Variants in RASA3 observed in about 807,000 individuals in gnomAD.
RASA3 encodes ras GTPase-activating protein 3.
In RASA3, 73 loss-of-function variants were observed where a neutral mutation model predicts 110.0. The observed-to-expected ratio is 0.66, with a 90% CI of 0.55 to 0.81. The LOEUF is 0.81. Among genes scored for constraint, RASA3 ranks in the 30% least tolerant of loss-of-function variants. The probability of loss-of-function intolerance (pLI) is 0.00; values close to 1 mark genes in which losing one functional copy is unlikely to be tolerated. For missense variants in RASA3, 976 were observed against 1,113.2 expected (o/e 0.88, Z 1.75); for synonymous variants, 500 against 451.4 (o/e 1.11, Z -1.37).
At chr13:114,094,701 C>G (rs909302815) in intron 1 of RASA3, among the ~76,000 whole-genome samples, 10 of 152,228 alleles carry the variant, frequency 6.6e-5, no homozygotes, top group Non-Finnish European at 1.2e-4. Context: ...TACCTGACAT[C>G]CTTTTTTGGA....
At chr13:114,099,370 G>C (rs1013832353) in intron 1 of RASA3, among the ~76,000 whole-genome samples, 1 of 151,918 alleles carries the variant, frequency 6.6e-6, no homozygotes, top group African/African-American at 2.4e-5. Flanking sequence ...ATCACACAGG[G>C]ACGGTACAGA....
intron 1 of RASA3, among the ~76,000 whole-genome samples, chr13:114,089,579 C>G (rs1171189756): frequency 6.6e-6 from 1 of 152,124 alleles, no homozygotes; most frequent in African/African-American, 2.4e-5. Context: ...GAGGAAAGGG[C>G]AGGCCTGGGC....
intron 1 of RASA3, among the ~76,000 whole-genome samples, chr13:114,125,428 A>C (rs1367653482): frequency 6.6e-6 from 1 of 152,106 alleles, no homozygotes; most frequent in Non-Finnish European, 1.5e-5. Context: ...ACACGGCGAG[A>C]GCGGGGGCAA....
chr13:114,041,885 G>A (rs930113119), intron 3 of RASA3, among the ~76,000 whole-genome samples: 5 of 151,310 alleles, frequency 3.3e-5, no homozygotes, highest in African/African-American at 7.3e-5. Context: ...TTCTCCAGAC[G>A]GAGGAGAACA....
At chr13:114,021,299 G>T (rs1425373872) in intron 9 of RASA3, 105 bp downstream of exon 9, 5 of 985,206 alleles carry the variant, frequency 5.1e-6, no homozygotes, top group African/African-American at 1.6e-5. Flanking sequence ...GCTGGGCACA[G>T]CCGAGGACCA....
At chr13:114,023,317 G>A (rs1360278345) in intron 8 of RASA3, among the ~76,000 whole-genome samples, 5 of 152,036 alleles carry the variant, frequency 3.3e-5, no homozygotes, top group African/African-American at 1.2e-4. Flanking sequence ...CAGGCTCAGG[G>A]AACATCCCAG....
At chr13:114,002,883 G>A (rs773971017) in intron 18 of RASA3, among the ~76,000 whole-genome samples, 35 of 152,190 alleles carry the variant, frequency 2.3e-4, no homozygotes, top group African/African-American at 7.5e-4. Context: ...GCGCAGCCAC[G>A]GCCAACTCAA....
intron 4 of RASA3, among the ~76,000 whole-genome samples, chr13:114,030,926 T>G (rs932898285): frequency 6.7e-6 from 1 of 148,180 alleles, no homozygotes; most frequent in Non-Finnish European, 1.5e-5. Flanking sequence ...TATGCATGCA[T>G]GCGACTATGT....
rs932843678 is a variant in RASA3, at chr13:114,007,714, T to C, written c.1669-108A>G. On this transcript the variant is annotated intron_variant, in intron 17 of 23. Coordinates refer to ENST00000334062, the MANE Select transcript of RASA3 (RefSeq NM_007368.4). ...GCTACTGCCTCCTTTGTAATACCAG[T>C]GGAGACAGAATCTGGGCAAGTGAGT... The C allele has an allele frequency of 7.8e-6, 7 of 892,668 alleles. No individual in the cohort carries two copies. The African/African-American group carries it at 9.8e-5, about 12-fold the overall frequency. The allele number at this position is 892,668 out of a possible 1,614,324, so 55.3% of individuals were successfully genotyped here.
chr13:114,027,772 G>C, intron 6 of RASA3, 75 bp downstream of exon 6: 1 of 1,434,860 alleles, frequency 7.0e-7, no homozygotes, highest in Non-Finnish European at 9.8e-7. Flanking sequence ...AAATGAGGCA[G>C]TGGTCTCGTG....
At chr13:114,023,620 G>A (rs565404567) in intron 8 of RASA3, among the ~76,000 whole-genome samples, 1 of 152,248 alleles carries the variant, frequency 6.6e-6, no homozygotes, top group Non-Finnish European at 1.5e-5. Context: ...AGAACTCTGA[G>A]TCAGCGGGAT....
chr13:114,106,028 C>A (rs545685956), intron 1 of RASA3, among the ~76,000 whole-genome samples: 1 of 152,312 alleles, frequency 6.6e-6, no homozygotes, highest in South Asian at 2.1e-4. Flanking sequence ...AAATCGCAGG[C>A]ACTGAGTGGG....
At chr13:114,081,332 C>T (rs1299860796) in intron 1 of RASA3, among the ~76,000 whole-genome samples, 1 of 152,142 alleles carries the variant, frequency 6.6e-6, no homozygotes, top group Non-Finnish European at 1.5e-5. Context: ...TTGTCCAGGC[C>T]GGGCCTCCCC....
At position 114,096,596 on chromosome 13, in the gene RASA3, G is replaced by A. The variant is rs1422960938; in HGVS notation, c.56-22759C>T. On this transcript the variant is annotated intron_variant, in intron 1 of 23. Transcript: ENST00000334062. The surrounding 1 kb of genome is among the most constrained non-coding windows in gnomAD (Gnocchi z 5.1). ...CCTGGAATAACCCGATTGCTCCTAT[G>A]GGAACAACTGCTCCTTTCCAGCCAA... Among the ~76,000 whole-genome samples the A allele has an allele frequency of 2.0e-5, 3 of 152,088 alleles. No homozygotes were observed. Among genetic ancestry groups the A allele is most frequent in the Admixed American group, 6.5e-5 (1 of 15,268 alleles).
At chr13:114,018,032 T>C (rs2053831936) in intron 11 of RASA3, 72 bp downstream of exon 11, 4 of 1,414,554 alleles carry the variant, frequency 2.8e-6, no homozygotes, top group African/African-American at 2.9e-5. Flanking sequence ...GGACACGTGG[T>C]TCTCGGCGAC....
rs762632127 is a variant in RASA3 at position 114,048,271 on chromosome 13, CGCCACT to C, written c.277+3775_277+3780del. 1.8e-4 allele frequency among the ~76,000 whole-genome samples: 27 copies of C among 150,934 alleles called. No homozygotes were observed. The highest frequency in any genetic ancestry group is 3.3e-4 in the Admixed American group (5 of 15,176). On this transcript the variant is annotated intron_variant, in intron 3 of 23. Transcript: ENST00000334062. This position sits in a 1 kb window ranked among gnomAD's most constrained non-coding sequence, Gnocchi z 4.3. ...TGGAGGTTGCAGTGAGCCGAGATCGCGCCACTGCCCTCCAGCCTGGGCGACAGAAAG... is the reference window on the plus strand; with the variant it reads ...TGGAGGTTGCAGTGAGCCGAGATCGCGCCCTCCAGCCTGGGCGACAGAAAG...
intron 2 of RASA3, among the ~76,000 whole-genome samples, chr13:114,066,907 C>T (rs1466363037): frequency 2.6e-5 from 4 of 151,766 alleles, no homozygotes; most frequent in South Asian, 2.1e-4. Context: ...GATGGGCCCC[C>T]ACCTGGGCTG....
rs190841175 is a variant in RASA3 at position 114,115,966 on chromosome 13, C to T, written c.55+16469G>A. Among the ~76,000 whole-genome samples, 2 of 152,342 alleles carry T rather than the reference C, an allele frequency of 1.3e-5. No homozygotes were observed. The highest frequency in any genetic ancestry group is 4.8e-5 in the African/African-American group (2 of 41,568). ...TGCTCAGAGGCGTCTGCAGTTGAGGCGGGTGACGTTCTGGGGTCCCTGGGA... is the reference window on the plus strand; with the variant it reads ...TGCTCAGAGGCGTCTGCAGTTGAGGTGGGTGACGTTCTGGGGTCCCTGGGA... On this transcript the variant is annotated intron_variant, in intron 1 of 23. Coordinates refer to ENST00000334062, the MANE Select transcript of RASA3 (RefSeq NM_007368.4). The surrounding 1 kb of genome is among the most constrained non-coding windows in gnomAD (Gnocchi z 5.0).
intron 2 of RASA3, among the ~76,000 whole-genome samples, chr13:114,059,512 G>A (rs1215166637): frequency 3.3e-5 from 5 of 152,356 alleles, no homozygotes; most frequent in Non-Finnish European, 4.4e-5. Flanking sequence ...GGACGTCCAC[G>A]TTTCAACGCT....
Sources: gnomAD v4.1 joint callset for allele counts (sites outside exome capture counted in the v4.1 genomes callset) on GRCh38, gnomAD v4.1.1 for gene constraint, Gnocchi (gnomAD v3.1) non-coding constraint, MANE v1.5 for transcripts, NCBI Gene and HGNC (gene_info 2026-07-23, HGNC 2026-07-21) for gene names.